PTCHD4: variants seen among roughly 807,000 people sequenced by gnomAD.
PTCHD4 encodes patched domain containing 4, also known as patched domain-containing protein 4.
A neutral mutation model predicts 58.1 loss-of-function variants in PTCHD4; 33 were observed. The observed-to-expected ratio is 0.57, with a 90% CI of 0.43 to 0.76. The LOEUF (loss-of-function observed/expected upper bound fraction) is 0.76. Ranked by LOEUF, PTCHD4 falls within the 30% of genes least tolerant of loss-of-function variation. PTCHD4 has a pLI of 0.00. For missense variants in PTCHD4, 1,058 were observed against 1,027.1 expected (o/e 1.03, Z -0.41); for synonymous variants, 478 against 409.6 (o/e 1.17, Z -2.02).
At chr6:47,921,951 AAAAAAAAAAG>A (rs1455090821) in intron 4 of PTCHD4, among the ~76,000 whole-genome samples, 1 of 149,520 alleles carries the variant, frequency 6.7e-6, no homozygotes, top group Non-Finnish European at 1.5e-5. Flanking sequence ...TGTCTAAAAA[AAAAAAAAAAG>A]AAAAGAAAAG....
intron 4 of PTCHD4, among the ~76,000 whole-genome samples, chr6:47,962,389 A>G (rs1767130801): frequency 2.0e-5 from 3 of 152,272 alleles, no homozygotes; most frequent in Admixed American, 2.0e-4. Flanking sequence ...TTCAAACTAT[A>G]TGATATGGTT....
chr6:47,902,027 G>T, intron 4 of PTCHD4: 1 of 759,002 alleles, frequency 1.3e-6, no homozygotes. Context: ...AAAACACTGG[G>T]GAACTGAAGA....
intron 1 of PTCHD4, among the ~76,000 whole-genome samples, chr6:48,072,861 G>T (rs1249395912): frequency 6.6e-6 from 1 of 151,958 alleles, no homozygotes; most frequent in African/African-American, 2.4e-5. Context: ...GTCTATCAGT[G>T]ATTTAAAAAT....
intron 4 of PTCHD4, among the ~76,000 whole-genome samples, chr6:47,948,014 C>G (rs756534158): frequency 3.9e-5 from 6 of 152,274 alleles, no homozygotes; most frequent in Non-Finnish European, 7.4e-5. Context: ...CTTGATTTCT[C>G]AGAAATTTCT....
At chr6:47,926,572 C>T (rs1300133502) in intron 4 of PTCHD4, among the ~76,000 whole-genome samples, 1 of 152,148 alleles carries the variant, frequency 6.6e-6, no homozygotes, top group Non-Finnish European at 1.5e-5. Flanking sequence ...TTTGTGTTCA[C>T]TTGATTCATA....
At chr6:48,048,001 T>C (rs964080075) in intron 3 of PTCHD4, among the ~76,000 whole-genome samples, 1 of 115,514 alleles carries the variant, frequency 8.7e-6, no homozygotes, top group Non-Finnish European at 1.8e-5. Flanking sequence ...CCTTAAGATA[T>C]AAAATAAGCA....
At chr6:47,972,474 C>G (rs2113990797) in intron 4 of PTCHD4, among the ~76,000 whole-genome samples, 3 of 152,170 alleles carry the variant, frequency 2.0e-5, no homozygotes, top group Admixed American at 2.0e-4. Flanking sequence ...TAAAACTGTA[C>G]AATCTCCTAA....
Position 47,916,075 on chromosome 6 carries a change from C to T in PTCHD4, c.899-36139G>A, listed in dbSNP as rs554187559. 3.3e-5 allele frequency among the ~76,000 whole-genome samples: 5 copies of T among 152,242 alleles called. No individual in the cohort carries two copies. The South Asian group carries it at 6.2e-4, about 19-fold the overall frequency. On this transcript the variant is annotated intron_variant, in intron 4 of 4. Coordinates refer to ENST00000339488, the MANE Select transcript of PTCHD4 (RefSeq NM_001384253.1). Reference sequence around the variant, plus strand: ...TGTGAGTGTGAGCAAAGACCGGTGACTGCTTCTGCTCTGCCAATCCCACAA... The same window carrying T: ...TGTGAGTGTGAGCAAAGACCGGTGATTGCTTCTGCTCTGCCAATCCCACAA...
At chr6:47,974,871 C>T (rs539821134) in intron 4 of PTCHD4, among the ~76,000 whole-genome samples, 8 of 152,218 alleles carry the variant, frequency 5.3e-5, no homozygotes, top group Non-Finnish European at 8.8e-5. Flanking sequence ...GAGTTGAAAA[C>T]GTCTCACATT....
chr6:47,910,694 C>T (rs1003439930), intron 4 of PTCHD4, among the ~76,000 whole-genome samples: 1 of 152,044 alleles, frequency 6.6e-6, no homozygotes, highest in Admixed American at 6.6e-5. Context: ...ATCTTAGTAT[C>T]CACTCCCTAA....
intron 4 of PTCHD4, among the ~76,000 whole-genome samples, chr6:47,971,822 C>T (rs1273901653): frequency 1.3e-5 from 2 of 152,062 alleles, no homozygotes; most frequent in Non-Finnish European, 2.9e-5. Flanking sequence ...GAAGATACTG[C>T]AACAGACTTA....
In PTCHD4 at chr6:48,068,486, C is replaced by A. The variant is rs1469426147; in HGVS notation, c.161G>T (p.Gly54Val). 7 of 1,613,482 alleles carry A rather than the reference C, an allele frequency of 4.3e-6. No individual in the cohort carries two copies. The highest frequency in any genetic ancestry group is 1.6e-4 in the Middle Eastern group (1 of 6,062). ...CTGGAAGCGGTTGAGCGCGCTGAGG[C>A]CGAAGGTGATTGTCAGGACTGCGGG... ...TVPAVLTITF[G>V]LSALNRFQPE... is the part of the protein sequence containing the mutation. The change falls in exon 3 of 5, where the codon GGC (glycine) becomes GTC (valine). Residue 54 changes from glycine (G) to valine (V), a missense_variant. Coordinates refer to ENST00000339488, the MANE Select transcript of PTCHD4 (RefSeq NM_001384253.1). This position sits in a 1 kb window ranked among gnomAD's most constrained non-coding sequence, Gnocchi z 4.2.
intron 1 of PTCHD4, among the ~76,000 whole-genome samples, chr6:48,072,875 T>G (rs2113885844): frequency 6.6e-6 from 1 of 152,152 alleles, no homozygotes; most frequent in South Asian, 2.1e-4. Context: ...TAAAAATTGT[T>G]TTTCTATAAC....
In PTCHD4 at chr6:47,867,160, A is replaced by G. The variant is rs1763588768; in HGVS notation, c.*11143T>C. On this transcript the variant is annotated 3_prime_UTR_variant, in exon 5 of 5. Coordinates refer to ENST00000339488, the MANE Select transcript of PTCHD4 (RefSeq NM_001384253.1). ...AAAATAATATTAACAGAGATAGTTAATTGGAGTGTATTAGTTTGAGCTGTT... is the reference window on the plus strand; with the variant it reads ...AAAATAATATTAACAGAGATAGTTAGTTGGAGTGTATTAGTTTGAGCTGTT... 6.6e-6 allele frequency among the ~76,000 whole-genome samples: 1 copy of G among 151,744 alleles called. No individual in the cohort carries two copies. The highest frequency in any genetic ancestry group is 1.9e-4 in the East Asian group (1 of 5,132).
rs113414035 is a variant in PTCHD4 at position 48,004,238 on chromosome 6, A to G, written c.898+4396T>C. On this transcript the variant is annotated intron_variant, in intron 4 of 4. Transcript: ENST00000339488. ...TCTCAGTTTGGAAAAATGAGTGAAA[A>G]TCTGTATCTGAAAGGCTTGTTTTTA... Among the ~76,000 whole-genome samples, 581 of 152,270 alleles carry G rather than the reference A, an allele frequency of 3.8e-3. 2 individuals are homozygous for G. The highest frequency in any genetic ancestry group is 0.013 in the African/African-American group (551 of 41,556).
chr6:48,101,406 T>G (rs925699888), intron 1 of PTCHD4, among the ~76,000 whole-genome samples: 3 of 152,178 alleles, frequency 2.0e-5, no homozygotes, highest in African/African-American at 7.2e-5. Flanking sequence ...CAGTGAACTA[T>G]ATAAGGACTA....
intron 4 of PTCHD4, among the ~76,000 whole-genome samples, chr6:47,954,623 G>C (rs1766784084): frequency 6.6e-6 from 1 of 152,018 alleles, no homozygotes; most frequent in Admixed American, 6.6e-5. Context: ...CATTAGTATT[G>C]GTATTGCAAT....
rs149308441 is a variant in PTCHD4, at chr6:47,879,526, G to A, written c.1309C>T (p.Pro437Ser). 1 of 1,613,592 alleles carries A rather than the reference G, an allele frequency of 6.2e-7. No homozygotes were observed. Among genetic ancestry groups the A allele is most frequent in the Admixed American group, 1.7e-5 (1 of 59,956 alleles). ...HQQTSHHETN[P>S]YQHHFIQHFL... is the part of the protein sequence containing the mutation. The stretch of plus-strand genomic sequence containing the variant: ...TGCTGAATGAAGTGGTGCTGGTAGG[G>A]GTTCGTCTCATGATGGGACGTCTGT... The change falls in exon 5 of 5, where the codon CCC becomes TCC. Residue 437 changes from proline to serine, a missense_variant. Pro to Ser is a moderately conservative substitution (Grantham distance 74). Transcript: ENST00000339488.
intron 1 of PTCHD4, among the ~76,000 whole-genome samples, chr6:48,104,377 A>G (rs1765674919): frequency 6.6e-6 from 1 of 152,242 alleles, no homozygotes; most frequent in Non-Finnish European, 1.5e-5. Flanking sequence ...GGAGAAATAA[A>G]ATACTTTACA....
Sources: gnomAD v4.1 joint callset for allele counts (sites outside exome capture counted in the v4.1 genomes callset) on GRCh38, gnomAD v4.1.1 for gene constraint, Gnocchi (gnomAD v3.1) non-coding constraint, MANE v1.5 for transcripts, NCBI Gene and HGNC (gene_info 2026-07-23, HGNC 2026-07-21) for gene names.